Variants in FRMD4A observed in about 807,000 individuals in gnomAD.
FRMD4A encodes FERM domain-containing protein 4A.
A neutral mutation model predicts 129.1 loss-of-function variants in FRMD4A; 29 were observed. That is an observed-to-expected ratio of 0.22 (90% CI 0.17 to 0.31). FRMD4A has a LOEUF of 0.31. FRMD4A is among the 10% of genes least tolerant of loss of function. The pLI, the probability that FRMD4A is intolerant of heterozygous loss-of-function variation, is 1.00. For synonymous variants in FRMD4A, 634 were observed against 571.6 expected, an observed-to-expected ratio of 1.11 and a Z score of -1.56; for missense variants, 1,272 against 1,375.8, an observed-to-expected ratio of 0.92 and a Z score of 1.19.
chr10:13,808,831 G>C (rs1206648584), intron 4 of FRMD4A, among the ~76,000 whole-genome samples: 1 of 152,198 alleles, frequency 6.6e-6, no homozygotes, highest in Non-Finnish European at 1.5e-5. Context: ...CTCTGGGGCA[G>C]GTGATGGAAA....
At chr10:14,182,125 C>T (rs930176257) in intron 2 of FRMD4A, among the ~76,000 whole-genome samples, 3 of 152,094 alleles carry the variant, frequency 2.0e-5, no homozygotes, top group Non-Finnish European at 4.4e-5. Flanking sequence ...ACCAAACTGC[C>T]GTATAATTGT....
At chr10:14,235,645 C>A (rs1415095476) in intron 2 of FRMD4A, among the ~76,000 whole-genome samples, 1 of 152,200 alleles carries the variant, frequency 6.6e-6, no homozygotes, top group African/African-American at 2.4e-5. Flanking sequence ...ACCACTGCCA[C>A]GGGTTCAGTG....
chr10:13,864,296 A>G (rs1335349412), intron 2 of FRMD4A, among the ~76,000 whole-genome samples: 1 of 148,674 alleles, frequency 6.7e-6, no homozygotes, highest in Admixed American at 6.8e-5. Flanking sequence ...ACACCCCGCC[A>G]TAGCAAAGCC....
chr10:13,729,814 T>A (rs554441119), intron 12 of FRMD4A, among the ~76,000 whole-genome samples: 2 of 152,188 alleles, frequency 1.3e-5, no homozygotes, highest in African/African-American at 4.8e-5. Flanking sequence ...CTGCTGAATA[T>A]GTAACAAGGA....
chr10:14,159,683 C>CA (rs944477712), intron 2 of FRMD4A, among the ~76,000 whole-genome samples: 1 of 151,626 alleles, frequency 6.6e-6, no homozygotes, highest in Non-Finnish European at 1.5e-5. Context: ...GCAATGCTGA[C>CA]AAAAAACAAA....
intron 2 of FRMD4A, among the ~76,000 whole-genome samples, chr10:14,005,899 A>G (rs1299992449): frequency 6.6e-6 from 1 of 152,194 alleles, no homozygotes; most frequent in African/African-American, 2.4e-5. Flanking sequence ...ATGAACTGAA[A>G]GCCTTACAGA....
chr10:14,118,763 C>T lies in FRMD4A; in HGVS notation c.45+211295G>A, dbSNP rs151004024. Among the ~76,000 whole-genome samples, 12 of 152,248 alleles carry T rather than the reference C, an allele frequency of 7.9e-5. No individual in the cohort carries two copies. In the South Asian group the frequency reaches 1.5e-3, roughly 18 times the overall value. On this transcript the variant is annotated intron_variant, in intron 2 of 24. Coordinates refer to ENST00000357447, the MANE Select transcript of FRMD4A (RefSeq NM_018027.5). ...CTTATTTACTACAACGAGAACAGTA[C>T]GGGGGAAACTGCTCCCATGATTCAA...
At chr10:13,881,835 G>A (rs1252240479) in intron 2 of FRMD4A, among the ~76,000 whole-genome samples, 1 of 151,400 alleles carries the variant, frequency 6.6e-6, no homozygotes, top group Non-Finnish European at 1.5e-5. Flanking sequence ...GCTTCTGCTT[G>A]GAGGAACAGG....
At chr10:14,208,501 A>G (rs1009029330) in intron 2 of FRMD4A, among the ~76,000 whole-genome samples, 2 of 152,094 alleles carry the variant, frequency 1.3e-5, no homozygotes, top group Non-Finnish European at 2.9e-5. Flanking sequence ...GACTGCCCAA[A>G]GCTCACTCTA....
chr10:13,893,545 CAG>C (rs2094724589), intron 2 of FRMD4A, among the ~76,000 whole-genome samples: 2 of 151,986 alleles, frequency 1.3e-5, no homozygotes, highest in Admixed American at 1.3e-4. Flanking sequence ...TTTTTTGAGA[CAG>C]AGTCTGTCTC....
intron 15 of FRMD4A, chr10:13,685,383 C>G (rs1171968795): frequency 2.0e-6 from 2 of 984,538 alleles, no homozygotes; most frequent in African/African-American, 1.7e-5. Flanking sequence ...AAAAAAATAA[C>G]TGAACATTCA....
At chr10:13,863,231 A>G (rs988347507) in intron 2 of FRMD4A, among the ~76,000 whole-genome samples, 3 of 152,340 alleles carry the variant, frequency 2.0e-5, no homozygotes, top group Admixed American at 6.5e-5. Flanking sequence ...AAGACTGTGC[A>G]GAAACATGTA....
At chr10:14,142,163 T>C (rs1259451954) in intron 2 of FRMD4A, among the ~76,000 whole-genome samples, 1 of 151,868 alleles carries the variant, frequency 6.6e-6, no homozygotes, top group South Asian at 2.1e-4. Context: ...TTTTTTTTTG[T>C]TGTTTTGTTT....
chr10:14,093,452 A>G (rs963913729), intron 2 of FRMD4A, among the ~76,000 whole-genome samples: 2 of 152,210 alleles, frequency 1.3e-5, no homozygotes, highest in Non-Finnish European at 2.9e-5. Context: ...GATGGTGGTT[A>G]TATGGAGAAA....
At chr10:13,715,413 C>G (rs932345655) in intron 12 of FRMD4A, among the ~76,000 whole-genome samples, 3 of 152,174 alleles carry the variant, frequency 2.0e-5, no homozygotes, top group Non-Finnish European at 2.9e-5. Flanking sequence ...TATAGAATAG[C>G]ATGGATTAAA....
intron 2 of FRMD4A, among the ~76,000 whole-genome samples, chr10:14,266,932 T>C (rs1195703354): frequency 6.6e-6 from 1 of 152,234 alleles, no homozygotes; most frequent in East Asian, 1.9e-4. Context: ...CAATGTTTCA[T>C]GGAAATAAAC....
chr10:13,646,412 C>G lies in FRMD4A; in HGVS notation c.*626G>C, dbSNP rs1342923316. 1 of 152,616 alleles carries G rather than the reference C, an allele frequency of 6.6e-6. No individual in the cohort carries two copies. The highest frequency in any genetic ancestry group is 1.5e-5 in the Non-Finnish European group (1 of 68,070). The allele number at this position is 152,616 out of a possible 1,614,324, so 9.5% of individuals were successfully genotyped here. ...CGAGAACTTCCTTTCTCAACCTCCCCTTCCCCCATAGCCATCCCCACAAGC... is the reference window on the plus strand; with the variant it reads ...CGAGAACTTCCTTTCTCAACCTCCCGTTCCCCCATAGCCATCCCCACAAGC... On this transcript the variant is annotated 3_prime_UTR_variant, in exon 25 of 25. Coordinates refer to ENST00000357447, the MANE Select transcript of FRMD4A (RefSeq NM_018027.5).
At chr10:13,856,217 AGTGTGTGT>A (rs36225405) in intron 3 of FRMD4A, among the ~76,000 whole-genome samples, 10,149 of 145,866 alleles carry the variant, frequency 0.07, 437 homozygotes, top group African/African-American at 0.11. Flanking sequence ...ATTTTGTGCA[AGTGTGTGT>A]GTGTGTGTGT....
chr10:14,072,113 G>C (rs1026403826), intron 2 of FRMD4A, among the ~76,000 whole-genome samples: 4 of 152,134 alleles, frequency 2.6e-5, no homozygotes, highest in African/African-American at 9.7e-5. Context: ...CAAGTCAATT[G>C]ACCATTCATT....
Sources: gnomAD v4.1 joint callset for allele counts (sites outside exome capture counted in the v4.1 genomes callset) on GRCh38, gnomAD v4.1.1 for gene constraint, MANE v1.5 for transcripts, NCBI Gene and HGNC (gene_info 2026-07-23, HGNC 2026-07-21) for gene names.